The following PLXNA1 variants were observed in gnomAD, a reference collection of about 807,000 sequenced individuals.
The protein encoded by PLXNA1 is plexin-A1.
Under a neutral mutation model 191.7 loss-of-function variants are expected in PLXNA1, and 77 were observed. The observed-to-expected ratio is 0.40, with a 90% CI of 0.33 to 0.49. The LOEUF (loss-of-function observed/expected upper bound fraction) is 0.49. Among genes scored for constraint, PLXNA1 ranks in the 20% least tolerant of loss-of-function variants. PLXNA1 has a pLI of 0.63. For synonymous variants in PLXNA1, 1,137 were observed against 1,156.4 expected, an observed-to-expected ratio of 0.98 and a Z score of 0.34; for missense variants, 2,110 against 2,660.2, an observed-to-expected ratio of 0.79 and a Z score of 4.55.
intron 3 of PLXNA1, among the ~76,000 whole-genome samples, chr3:126,995,299 C>T (rs1396309327): frequency 6.6e-6 from 1 of 152,178 alleles, no homozygotes; most frequent in Non-Finnish European, 1.5e-5. Context: ...CGCCCTGCTC[C>T]CAGCTCCTCC....
intron 3 of PLXNA1, among the ~76,000 whole-genome samples, chr3:127,002,803 C>T (rs1393274698): frequency 2.6e-5 from 4 of 152,190 alleles, no homozygotes; most frequent in East Asian, 1.9e-4. Context: ...ATTTCCATGC[C>T]GATGAGACGC....
At position 127,004,973 on chromosome 3, in the gene PLXNA1, C is replaced by T; in HGVS notation, c.1708C>T (p.Pro570Ser). ...LLQCVQLTVQ[P>S]RNVSVTMSQV... is the part of the protein sequence containing the mutation. ...GCAGTGTGTGCAGCTGACTGTGCAG[C>T]CCCGCAATGTGTCTGTCACCATGTC... Residue 570 changes from proline to serine, a missense_variant, in exon 6 of 32, where the codon CCC becomes TCC. Pro to Ser is a moderately conservative substitution (Grantham distance 74, BLOSUM62 -1). Around this residue, in one of 4 missense-constraint regions of PLXNA1, gnomAD observed 903 missense variants for 1,015.7 expected, o/e 0.89. Coordinates refer to ENST00000393409, the MANE Select transcript of PLXNA1 (RefSeq NM_032242.4). 1 of 1,610,230 alleles carries T rather than the reference C, an allele frequency of 6.2e-7. No homozygotes were observed. The highest frequency in any genetic ancestry group is 8.5e-7 in the Non-Finnish European group (1 of 1,177,968).
chr3:127,032,815 C>G lies in PLXNA1; in HGVS notation c.5574C>G (p.Tyr1858Ter). The stretch of plus-strand genomic sequence containing the variant: ...GCGCCTTGCACGAGATCTACTCCTA[C>G]ATCACCAAGTACAAGGATGAGGTGA... ...SMSALHEIYS[Y>*]ITKYKDEILA... Residue 1858 changes from tyrosine (Y) to a stop codon, truncating the protein, a stop_gained, in exon 31 of 32, where the codon TAC becomes TAG. Coordinates refer to ENST00000393409, the MANE Select transcript of PLXNA1 (RefSeq NM_032242.4). LOFTEE classifies it low-confidence loss of function (END_TRUNC). The G allele has an allele frequency of 6.2e-7, 1 of 1,613,208 alleles. No homozygotes were observed. Among genetic ancestry groups the G allele is most frequent in the Non-Finnish European group, 8.5e-7 (1 of 1,179,994 alleles).
rs1373514404 is a variant in PLXNA1 at position 127,014,055 on chromosome 3, A to C, written c.2349A>C (p.Pro783=). The C allele has an allele frequency of 6.2e-7, 1 of 1,613,890 alleles. No individual in the cohort carries two copies. The highest frequency in any genetic ancestry group is 8.5e-7 in the Non-Finnish European group (1 of 1,179,994). ...SYEGNDVSDL[P]VNLSVVWNGN... is the part of the protein sequence containing the mutation. ...AGGGGAACGATGTCAGCGACCTGCCAGTGAACCTGTCAGTCGTGTGGAACG... is the reference window on the plus strand; with the variant it reads ...AGGGGAACGATGTCAGCGACCTGCCCGTGAACCTGTCAGTCGTGTGGAACG... The change falls in exon 11 of 32, where the codon CCA becomes CCC. Residue 783 remains proline, a synonymous_variant. Coordinates refer to ENST00000393409, the MANE Select transcript of PLXNA1 (RefSeq NM_032242.4).
chr3:127,026,172 G>A (rs781336146), intron 23 of PLXNA1, among the ~76,000 whole-genome samples: 67 of 152,190 alleles, frequency 4.4e-4, no homozygotes, highest in Non-Finnish European at 8.4e-4. Flanking sequence ...AAAGGACTGG[G>A]CCTTCCTCTT....
At chr3:127,027,361 C>T (rs1057510662) in intron 23 of PLXNA1, 1 of 334,274 alleles carries the variant, frequency 3.0e-6, no homozygotes, top group Admixed American at 4.3e-5. Context: ...CCTGGGTGGG[C>T]AAGCCTCCTC....
chr3:127,022,686 G>A lies in PLXNA1; in HGVS notation c.4296-66G>A, dbSNP rs2079157791. 5.5e-6 allele frequency: 8 copies of A among 1,451,986 alleles called. No individual in the cohort carries two copies. In the East Asian group the frequency reaches 1.8e-4, roughly 33 times the overall value. The allele number at this position is 1,451,986 out of a possible 1,614,324, so 89.9% of individuals were successfully genotyped here. ...GGGGTGGGATCGGTGAGTGAGGCCT[G>A]CAGGGGCCCTGTGCCTGCTGGACAG... On this transcript the variant is annotated intron_variant, in intron 22 of 31. Coordinates refer to ENST00000393409, the MANE Select transcript of PLXNA1 (RefSeq NM_032242.4).
chr3:127,029,803 A>T (rs554204935), intron 27 of PLXNA1, 71 bp from the exon 28 acceptor site: 3 of 1,449,326 alleles, frequency 2.1e-6, no homozygotes, highest in Non-Finnish European at 2.8e-6. Flanking sequence ...CAGCTTTCAG[A>T]TGGGGAAACA....
At chr3:127,017,284 G>C (rs1239131100) in intron 17 of PLXNA1, 141 bp from the exon 18 acceptor site, 1 of 1,264,596 alleles carries the variant, frequency 7.9e-7, no homozygotes, top group African/African-American at 1.5e-5. Flanking sequence ...CACGTCGGGT[G>C]GGTGGCCCAG....
chr3:127,018,931 G>A (rs1041080342), intron 20 of PLXNA1, among the ~76,000 whole-genome samples: 1 of 152,212 alleles, frequency 6.6e-6, no homozygotes, highest in Non-Finnish European at 1.5e-5. Context: ...GAGCAGCAGA[G>A]AGGGGTGCTT....
rs370552319 is a variant in PLXNA1 at position 126,989,080 on chromosome 3, G to A, written c.487G>A (p.Val163Met). ...CCGTAAGGAGCACTACCTGTCCAGC[G>A]TGCAGGAGGCAGGCAGCATGGCGGG... Reference protein sequence around the residue: ...HHRKEHYLSSVQEAGSMAGVL... With the variant: ...HHRKEHYLSSMQEAGSMAGVL... The change falls in exon 2 of 32, where the codon GTG becomes ATG. Residue 163 changes from valine (V) to methionine (M), a missense_variant. Physicochemically the swap from Val to Met is conservative, Grantham distance 21. Transcript: ENST00000393409. 21 of 1,613,284 alleles carry A rather than the reference G, an allele frequency of 1.3e-5. No homozygotes were observed. Among genetic ancestry groups the A allele is most frequent in the Middle Eastern group, 1.6e-4 (1 of 6,082 alleles).
chr3:126,996,783 G>C (rs901011362), intron 3 of PLXNA1, among the ~76,000 whole-genome samples: 5 of 152,158 alleles, frequency 3.3e-5, no homozygotes, highest in African/African-American at 9.7e-5. Flanking sequence ...GTCATTCCCA[G>C]GTACAGCCTG....
chr3:127,009,153 G>A (rs1002081360), intron 9 of PLXNA1, among the ~76,000 whole-genome samples: 5 of 152,158 alleles, frequency 3.3e-5, no homozygotes, highest in African/African-American at 9.7e-5. Flanking sequence ...GGCGCTGTGC[G>A]CAGCCCAGGG....
intron 14 of PLXNA1, 68 bp downstream of exon 14, chr3:127,014,899 G>A: frequency 6.4e-7 from 1 of 1,566,414 alleles, no homozygotes; most frequent in East Asian, 2.3e-5. Context: ...CAGGGCTTCT[G>A]TGCCTCTTCA....
chr3:127,017,875 G>A lies in PLXNA1; in HGVS notation c.3643G>A (p.Gly1215Arg). 6.2e-7 allele frequency: 1 copy of A among 1,612,620 alleles called. No individual in the cohort carries two copies. The highest frequency in any genetic ancestry group is 1.3e-5 in the African/African-American group (1 of 75,026). ...GCTGTGCGAGGCGCCCAACCTCACT[G>A]GGCAGCACAAGGTCACGGTGCGTCT... ...QLLCEAPNLT[G>R]QHKVTVRAGG... Residue 1215 changes from glycine (G) to arginine (R), a missense_variant, in exon 19 of 32, where the codon GGG becomes AGG. Physicochemically the swap from Gly to Arg is moderately radical, Grantham distance 125 (BLOSUM62 -2). Coordinates refer to ENST00000393409, the MANE Select transcript of PLXNA1 (RefSeq NM_032242.4).
At position 127,022,734 on chromosome 3, in the gene PLXNA1, A is replaced by G; in HGVS notation, c.4296-18A>G. 2 of 1,612,344 alleles carry G rather than the reference A, an allele frequency of 1.2e-6. No homozygotes were observed. The highest frequency in any genetic ancestry group is 1.3e-5 in the African/African-American group (1 of 75,014). On this transcript the variant is annotated intron_variant, in intron 22 of 31. Coordinates refer to ENST00000393409, the MANE Select transcript of PLXNA1 (RefSeq NM_032242.4). ...CAGCTGGAATGACACCACTCTGCCC[A>G]TATTCTGTGCTCCCCAGGACTGAGT...
At chr3:126,996,176 G>A (rs989764622) in intron 3 of PLXNA1, among the ~76,000 whole-genome samples, 1 of 152,190 alleles carries the variant, frequency 6.6e-6, no homozygotes, top group African/African-American at 2.4e-5. Context: ...CGGGAATGGT[G>A]GCCTGCGGGG....
At chr3:127,023,022 G>A (rs1470011096) in intron 23 of PLXNA1, among the ~76,000 whole-genome samples, 1 of 152,206 alleles carries the variant, frequency 6.6e-6, no homozygotes, top group African/African-American at 2.4e-5. Flanking sequence ...TTCTGAGGCT[G>A]TCAGGCCCTC....
At chr3:127,007,940 G>A (rs1390552271) in intron 9 of PLXNA1, 27 bp downstream of exon 9, 6 of 1,495,644 alleles carry the variant, frequency 4.0e-6, no homozygotes, top group Middle Eastern at 1.7e-4. Flanking sequence ...GTGAGGGTCA[G>A]GTTTTCAGAG....
Sources: gnomAD v4.1 joint callset for allele counts (sites outside exome capture counted in the v4.1 genomes callset) on GRCh38, gnomAD v4.1.1 for gene constraint, gnomAD v4.1.1 regional missense constraint, MANE v1.5 for transcripts, NCBI Gene and HGNC (gene_info 2026-07-23, HGNC 2026-07-21) for gene names.